UNC80: variants seen among roughly 807,000 people sequenced by gnomAD.
UNC80 encodes unc-80 subunit of NALCN channel complex.
UNC80 carries 164 observed loss-of-function variants against 384.6 expected under a neutral mutation model. The ratio of observed to expected loss-of-function variants is 0.43; its 90% CI spans 0.38 to 0.49. The LOEUF is 0.49. Among genes scored for constraint, UNC80 ranks in the 20% least tolerant of loss-of-function variants. The pLI, the probability that UNC80 is intolerant of heterozygous loss-of-function variation, is 0.00. For synonymous variants in UNC80, 1,486 were observed against 1,527.8 expected (o/e 0.97, Z 0.64); for missense variants, 3,330 against 4,143.0 (o/e 0.80, Z 5.39).
Position 209,834,047 on chromosome 2 carries a change from G to A in UNC80, c.2821G>A (p.Ala941Thr), listed in dbSNP as rs1345309433. The A allele has an allele frequency of 6.4e-7, 1 of 1,551,756 alleles. No homozygotes were observed. Among genetic ancestry groups the A allele is most frequent in the Admixed American group, 2.0e-5 (1 of 51,000 alleles). The change falls in exon 17 of 65, where the codon GCT (alanine) becomes ACT (threonine). Residue 941 changes from alanine (A) to threonine (T), a missense_variant. Around this residue, in one of 8 missense-constraint regions of UNC80, gnomAD observed 937 missense variants for 1,026.8 expected, o/e 0.91. Coordinates refer to ENST00000673920, the MANE Select transcript of UNC80 (RefSeq NM_001371986.1). ...TCAGCTGGTCCAGTTTATCAAAGAG[G>A]CTCATGGGAATGTCTTCAGGAGAGT... The part of the protein sequence containing the change: ...IRQLVQFIKE[A>T]HGNVFRRVAL...
intron 31 of UNC80, among the ~76,000 whole-genome samples, chr2:209,915,416 A>C (rs961226847): frequency 2.7e-4 from 41 of 151,506 alleles, no homozygotes; most frequent in African/African-American, 9.5e-4. Flanking sequence ...AAAAAAAAAA[A>C]AAAAAAAACA....
intron 47 of UNC80, among the ~76,000 whole-genome samples, chr2:209,951,991 C>G (rs958300550): frequency 5.3e-5 from 8 of 152,088 alleles, no homozygotes; most frequent in Non-Finnish European, 1.2e-4. Context: ...TTAACACTTA[C>G]CTTTCAGGTT....
At position 209,921,706 on chromosome 2, in the gene UNC80, C is replaced by A; in HGVS notation, c.5530+20C>A. The A allele has an allele frequency of 6.6e-7, 1 of 1,521,678 alleles. No individual in the cohort carries two copies. Among genetic ancestry groups the A allele is most frequent in the South Asian group, 1.3e-5 (1 of 79,196 alleles). The allele number at this position is 1,521,678 out of a possible 1,614,324, so 94.3% of individuals were successfully genotyped here. A position where few individuals can be genotyped will look rare whatever the true frequency, so the allele number is the denominator to read the frequency against. On this transcript the variant is annotated intron_variant, in intron 34 of 64. Coordinates refer to ENST00000673920, the MANE Select transcript of UNC80 (RefSeq NM_001371986.1). ...AAGAAGGTGCCCTCTGCACACAGGA[C>A]TTCTTGGGGGGCTGAGTCTCAGGGA...
At chr2:209,844,476 TTTCCTTCCTTCCTTCCTTCC>T (rs1163831109) in intron 21 of UNC80, among the ~76,000 whole-genome samples, 733 of 68,954 alleles carry the variant, frequency 0.011, 7 homozygotes, top group Middle Eastern at 0.025. Flanking sequence ...TCTTTCTTTC[TTTCCTTCCTTCCTTCCTTCC>T]TTCCTTCCTT....
chr2:209,869,388 C>T (rs908965290), intron 22 of UNC80, among the ~76,000 whole-genome samples: 1 of 152,166 alleles, frequency 6.6e-6, no homozygotes, highest in Non-Finnish European at 1.5e-5. Context: ...TAGCCACACT[C>T]ACACCAGAAT....
At chr2:209,929,747 A>G in intron 36 of UNC80, 124 bp from the exon 37 acceptor site, 1 of 648,774 alleles carries the variant, frequency 1.5e-6, no homozygotes, top group Middle Eastern at 4.3e-4. Flanking sequence ...TGCAAAAGAA[A>G]AAAGAGTTCA....
At chr2:209,788,563 A>G (rs1250204283) in intron 5 of UNC80, among the ~76,000 whole-genome samples, 1 of 147,868 alleles carries the variant, frequency 6.8e-6, no homozygotes, top group Non-Finnish European at 1.5e-5. Context: ...ACTATAAAAT[A>G]TATTAAAAGT....
At chr2:209,787,540 G>C (rs1414594608) in intron 5 of UNC80, among the ~76,000 whole-genome samples, 2 of 152,086 alleles carry the variant, frequency 1.3e-5, no homozygotes, top group Non-Finnish European at 2.9e-5. Context: ...ACAGCATTTT[G>C]GTCAATGACT....
chr2:209,808,881 TC>T, intron 7 of UNC80: 3 of 296,056 alleles, frequency 1.0e-5, no homozygotes, highest in Non-Finnish European at 1.3e-5. Context: ...CGGACTCGAA[TC>T]CAGAGTTTAC....
intron 58 of UNC80, among the ~76,000 whole-genome samples, chr2:209,978,178 TA>T (rs1481172078): frequency 6.6e-6 from 1 of 152,194 alleles, no homozygotes; most frequent in Non-Finnish European, 1.5e-5. Context: ...TATTTCTTAG[TA>T]AAAATTGCCA....
intron 22 of UNC80, among the ~76,000 whole-genome samples, chr2:209,855,689 A>G (rs2082859916): frequency 6.6e-6 from 1 of 151,730 alleles, no homozygotes; most frequent in South Asian, 2.1e-4. Flanking sequence ...TCTTTAGAGA[A>G]TATATTATTT....
intron 31 of UNC80, among the ~76,000 whole-genome samples, chr2:209,916,713 G>T (rs553783003): frequency 1.3e-5 from 2 of 152,254 alleles, no homozygotes; most frequent in Admixed American, 6.5e-5. Context: ...TCAGATAATT[G>T]AAAGGACTTA....
intron 31 of UNC80, among the ~76,000 whole-genome samples, chr2:209,915,298 G>A (rs1333688210): frequency 6.6e-6 from 1 of 151,704 alleles, no homozygotes; most frequent in Non-Finnish European, 1.5e-5. Context: ...CCAGCTACTC[G>A]GGAGGCTGAG....
At chr2:209,861,406 C>A (rs1455592006) in intron 22 of UNC80, among the ~76,000 whole-genome samples, 1 of 152,130 alleles carries the variant, frequency 6.6e-6, no homozygotes, top group Non-Finnish European at 1.5e-5. Flanking sequence ...CAGACTTGAT[C>A]GTGATGGATA....
In UNC80 at chr2:209,993,275, T is replaced by C. The variant is rs762164991; in HGVS notation, c.9397-40T>C. 2.2e-5 allele frequency: 33 copies of C among 1,483,504 alleles called. No homozygotes were observed. In the South Asian group the frequency reaches 4.1e-4, roughly 18 times the overall value. 91.9% of individuals were successfully genotyped at this position (1,483,504 alleles called of 1,614,324 possible). ...AAGAAACAATTTCCTCCTAGGCAGTTAGACCCTCTTGCAAGTTTTATTCTG... is the reference window on the plus strand; with the variant it reads ...AAGAAACAATTTCCTCCTAGGCAGTCAGACCCTCTTGCAAGTTTTATTCTG... On this transcript the variant is annotated intron_variant, in intron 62 of 64. Transcript: ENST00000673920.
Position 209,866,533 on chromosome 2 carries a change from C to CACACAG in UNC80, c.3628-6224_3628-6223insCACAGA, listed in dbSNP as rs1307214321. ...ACACACACACACACACACACACACA[C>CACACAG]AGAGAGAGAGAGAGAGAGAGAGAGA... On this transcript the variant is annotated intron_variant, in intron 22 of 64. Coordinates refer to ENST00000673920, the MANE Select transcript of UNC80 (RefSeq NM_001371986.1). 0.01 allele frequency among the ~76,000 whole-genome samples: 1,075 copies of CACACAG among 103,958 alleles called. 32 individuals carry two copies. In the East Asian group the frequency reaches 0.11, roughly 11 times the overall value. 68.2% of individuals were successfully genotyped at this position (103,958 alleles called of 152,430 possible).
chr2:209,850,275 AATTT>A (rs1176232776), intron 22 of UNC80, among the ~76,000 whole-genome samples: 1 of 152,102 alleles, frequency 6.6e-6, no homozygotes, highest in Non-Finnish European at 1.5e-5. Flanking sequence ...TCAGCCTCTC[AATTT>A]ATTTATCTTT....
At chr2:209,841,179 T>A (rs1211539612) in intron 20 of UNC80, among the ~76,000 whole-genome samples, 1 of 152,214 alleles carries the variant, frequency 6.6e-6, no homozygotes, top group Non-Finnish European at 1.5e-5. Flanking sequence ...GTCCACCCTG[T>A]GGTTGCTTCA....
At chr2:209,797,341 C>T (rs948146643) in intron 7 of UNC80, among the ~76,000 whole-genome samples, 3 of 152,168 alleles carry the variant, frequency 2.0e-5, no homozygotes, top group Admixed American at 6.5e-5. Context: ...AACCCCACCA[C>T]AGGCCCTGGT....
Sources: gnomAD v4.1 joint callset for allele counts (sites outside exome capture counted in the v4.1 genomes callset) on GRCh38, gnomAD v4.1.1 for gene constraint, gnomAD v4.1.1 regional missense constraint, MANE v1.5 for transcripts, NCBI Gene and HGNC (gene_info 2026-07-23, HGNC 2026-07-21) for gene names.